The following KIAA0586 variants were observed in gnomAD, a reference collection of about 807,000 sequenced individuals.
The protein encoded by KIAA0586 is KIAA0586, also known as protein TALPID3.
A neutral mutation model predicts 169.8 loss-of-function variants in KIAA0586; 144 were observed. The observed-to-expected ratio is 0.85, with a 90% confidence interval of 0.74 to 0.97. The LOEUF (loss-of-function observed/expected upper bound fraction) is 0.97. KIAA0586 is among the 50% of genes least tolerant of loss of function. The pLI is 0.00. For synonymous variants in KIAA0586, 625 were observed against 612.4 expected (o/e 1.02, Z -0.30); for missense variants, 1,854 against 1,823.0 (o/e 1.02, Z -0.31).
chr14:58,464,003 C>T, intron 14 of KIAA0586: 1 of 453,976 alleles, frequency 2.2e-6, no homozygotes, highest in South Asian at 1.7e-5. Flanking sequence ...ACCCCTGCAG[C>T]AGATGCAAGA....
the KIAA0586 span, among the ~76,000 whole-genome samples, chr14:58,560,470 T>A: frequency 6.6e-6 from 1 of 152,218 alleles, no homozygotes; most frequent in Non-Finnish European, 1.5e-5. Context: ...GATGTCTTAC[T>A]TCACAGGAAA....
chr14:58,493,684 A>C (rs2042968203), intron 26 of KIAA0586, among the ~76,000 whole-genome samples: 1 of 152,250 alleles, frequency 6.6e-6, no homozygotes, highest in South Asian at 2.1e-4. Context: ...TAAAATAATT[A>C]AATTTTCTGC....
At chr14:58,509,719 GA>G (rs1167137946) in intron 28 of KIAA0586, among the ~76,000 whole-genome samples, 5 of 152,098 alleles carry the variant, frequency 3.3e-5, no homozygotes, top group Non-Finnish European at 5.9e-5. Flanking sequence ...AGTTAATAAT[GA>G]AAAAGTATCT....
chr14:58,460,184 A>G (rs1218874591), intron 13 of KIAA0586, 114 bp downstream of exon 13: 2 of 649,716 alleles, frequency 3.1e-6, no homozygotes, highest in Non-Finnish European at 5.1e-6. Context: ...GAAGGACTAT[A>G]CAAATGTAAG....
At chr14:58,439,503 A>G (rs910076465) in intron 4 of KIAA0586, among the ~76,000 whole-genome samples, 3 of 151,600 alleles carry the variant, frequency 2.0e-5, no homozygotes, top group African/African-American at 7.3e-5. Flanking sequence ...CCATTTCTTC[A>G]TCTGTAAAAT....
At chr14:58,561,480 C>G in the KIAA0586 span, among the ~76,000 whole-genome samples, 2 of 152,030 alleles carry the variant, frequency 1.3e-5, no homozygotes, top group Non-Finnish European at 2.9e-5. Flanking sequence ...TAGAATTGGC[C>G]CTTCTTTGCC....
At chr14:58,465,718 C>G in intron 14 of KIAA0586, 117 bp from the exon 15 acceptor site, 1 of 614,962 alleles carries the variant, frequency 1.6e-6, no homozygotes, top group Non-Finnish European at 2.7e-6. Flanking sequence ...GTTTTGGGGC[C>G]TTGTAACCTT....
At chr14:58,469,865 T>C (rs1413731750) in intron 16 of KIAA0586, among the ~76,000 whole-genome samples, 3 of 152,180 alleles carry the variant, frequency 2.0e-5, no homozygotes, top group African/African-American at 4.8e-5. Flanking sequence ...TTAAAAACTA[T>C]TATTGCTGAA....
chr14:58,440,158 C>T (rs561124419), intron 4 of KIAA0586: 210 of 444,932 alleles, frequency 4.7e-4, no homozygotes, highest in Non-Finnish European at 8.9e-4. Flanking sequence ...GCTAGGATTA[C>T]AGGCATGTAG....
At chr14:58,438,032 G>A (rs931038299) in intron 4 of KIAA0586, among the ~76,000 whole-genome samples, 4 of 152,262 alleles carry the variant, frequency 2.6e-5, no homozygotes, top group Admixed American at 2.6e-4. Context: ...CCGAGGTAAT[G>A]GAAGCTAAGT....
At chr14:58,445,621 A>G (rs1375122153) in intron 6 of KIAA0586, among the ~76,000 whole-genome samples, 2 of 151,140 alleles carry the variant, frequency 1.3e-5, no homozygotes, top group Non-Finnish European at 2.9e-5. Context: ...TTCAGTAGAG[A>G]CAGGGTTCTA....
chr14:58,509,755 A>T (rs1046099855), intron 28 of KIAA0586, among the ~76,000 whole-genome samples: 4 of 152,216 alleles, frequency 2.6e-5, no homozygotes, highest in African/African-American at 9.6e-5. Context: ...TATAAAAAAA[A>T]TTTTTGTGAC....
chr14:58,458,636 T>G, intron 12 of KIAA0586, 91 bp downstream of exon 12: 1 of 655,894 alleles, frequency 1.5e-6, no homozygotes, highest in Non-Finnish European at 2.5e-6. Flanking sequence ...TTTCAAAATA[T>G]TTCTTATATA....
At chr14:58,442,565 T>G (rs2038488903) in intron 4 of KIAA0586, 141 bp from the exon 5 acceptor site, 1 of 591,526 alleles carries the variant, frequency 1.7e-6, no homozygotes, top group East Asian at 2.9e-5. Flanking sequence ...ATAAATTTTG[T>G]TAACCAAATG....
intron 4 of KIAA0586, among the ~76,000 whole-genome samples, chr14:58,435,487 C>A (rs1274247554): frequency 5.9e-5 from 9 of 152,122 alleles, no homozygotes. Flanking sequence ...CAATATCCTC[C>A]TTTTAACCGT....
chr14:58,538,768 A>T (rs918159791), intron 29 of KIAA0586, among the ~76,000 whole-genome samples: 1 of 150,004 alleles, frequency 6.7e-6, no homozygotes, highest in Admixed American at 6.7e-5. Flanking sequence ...TCTACTGCCT[A>T]TCTCCATGAG....
At chr14:58,492,385 T>A (rs1441049840) in intron 26 of KIAA0586, 110 bp downstream of exon 26, 1 of 856,962 alleles carries the variant, frequency 1.2e-6, no homozygotes, top group Non-Finnish European at 1.7e-6. Context: ...TTTTCAAGGG[T>A]CAGTGTTACA....
chr14:58,489,895 C>T (rs1231592428), intron 24 of KIAA0586, among the ~76,000 whole-genome samples: 1 of 151,968 alleles, frequency 6.6e-6, no homozygotes, highest in African/African-American at 2.4e-5. Context: ...TGAGAATACC[C>T]GTTTCTCAAT....
chr14:58,448,597 T>G, intron 7 of KIAA0586, 104 bp downstream of exon 7: 2 of 723,878 alleles, frequency 2.8e-6, no homozygotes, highest in Non-Finnish European at 4.0e-6. Context: ...GTTTTTGTTT[T>G]ATAAAATTTA....
Sources: gnomAD v4.1 joint callset for allele counts (sites outside exome capture counted in the v4.1 genomes callset) on GRCh38, gnomAD v4.1.1 for gene constraint, MANE v1.5 for transcripts, NCBI Gene and HGNC (gene_info 2026-07-23, HGNC 2026-07-21) for gene names.